Variants in DYSF observed in about 807,000 individuals in gnomAD.
DYSF encodes dysferlin, also known as dystrophy-associated fer-1-like 1.
Under a neutral mutation model 274.9 loss-of-function variants are expected in DYSF, and 212 were observed. That is an observed-to-expected ratio of 0.77 (90% confidence interval 0.69 to 0.86). DYSF has a LOEUF of 0.86. DYSF is among the 40% of genes least tolerant of loss of function. The pLI is 0.00. For synonymous variants in DYSF, 1,091 were observed against 1,078.7 expected (o/e 1.01, Z -0.22); for missense variants, 2,666 against 2,783.2 (o/e 0.96, Z 0.95).
chr2:71,570,464 C>G (rs932713938), intron 28 of DYSF, 130 bp downstream of exon 28: 8 of 1,418,368 alleles, frequency 5.6e-6, no homozygotes, highest in Admixed American at 3.9e-5. Flanking sequence ...AGGCACCCCC[C>G]ACTCCAAGCT....
At chr2:71,592,305 C>A (rs1422592505) in intron 32 of DYSF, among the ~76,000 whole-genome samples, 1 of 152,216 alleles carries the variant, frequency 6.6e-6, no homozygotes. Flanking sequence ...TCTGCGGAGA[C>A]GTCACACTTT....
In DYSF at chr2:71,611,552, A is replaced by G; in HGVS notation, c.4147A>G (p.Thr1383Ala). The G allele has an allele frequency of 6.2e-7, 1 of 1,614,000 alleles. No individual in the cohort carries two copies. Among genetic ancestry groups the G allele is most frequent in the Non-Finnish European group, 8.5e-7 (1 of 1,179,972 alleles). ...PSLVVECGGQ[T>A]VQSCVIRNLR... ...CCTCGTGGTAGAGTGTGGGGGCCAG[A>G]CGGTGCAGTCCTGTGTCATCAGGAA... Residue 1383 changes from threonine to alanine, a missense_variant, in exon 38 of 56, where the codon ACG becomes GCG. By Grantham distance (58) the Thr-to-Ala change is moderately conservative. Transcript: ENST00000410020.
chr2:71,676,459 T>A (rs1396422187), intron 52 of DYSF, among the ~76,000 whole-genome samples: 1 of 152,208 alleles, frequency 6.6e-6, no homozygotes, highest in Non-Finnish European at 1.5e-5. Flanking sequence ...CTTTTATTAT[T>A]GATTTTCAGA....
At chr2:71,685,806 T>A (rs1002419990) in intron 55 of DYSF, among the ~76,000 whole-genome samples, 2 of 152,098 alleles carry the variant, frequency 1.3e-5, no homozygotes, top group African/African-American at 4.8e-5. Flanking sequence ...CTGTCCCAAT[T>A]AGGAGCCCTG....
chr2:71,620,914 G>C (rs1035152113), intron 41 of DYSF, among the ~76,000 whole-genome samples: 2 of 152,148 alleles, frequency 1.3e-5, no homozygotes, highest in Non-Finnish European at 2.9e-5. Context: ...CTCTCAATTA[G>C]ACTCTGACTT....
chr2:71,479,897 T>C (rs759036327), intron 1 of DYSF, among the ~76,000 whole-genome samples: 5 of 152,204 alleles, frequency 3.3e-5, no homozygotes, highest in Admixed American at 1.3e-4. Flanking sequence ...TGGATTTTGT[T>C]TAAATGGAAA....
Position 71,656,236 on chromosome 2 carries a change from C to T in DYSF, c.4701C>T (p.Tyr1567=), listed in dbSNP as rs770905160. 3 of 1,614,208 alleles carry T rather than the reference C, an allele frequency of 1.9e-6. No homozygotes were observed. The East Asian group carries it at 6.7e-5, about 36-fold the overall frequency. The change falls in exon 43 of 56, where the codon TAC becomes TAT. Residue 1567 remains tyrosine (Y), a synonymous_variant. Coordinates refer to ENST00000410020, the MANE Select transcript of DYSF (RefSeq NM_001130987.2). ...LSDFCNTFKL[Y]RGKTQEETED... ...ACTTTTGTAACACCTTCAAGCTGTA[C>T]CGGGGCAAGACGCAGGAGGAGACAG... is the stretch of plus-strand genomic sequence containing the variant.
intron 41 of DYSF, among the ~76,000 whole-genome samples, chr2:71,642,438 C>G (rs1377051489): frequency 6.6e-6 from 1 of 152,196 alleles, no homozygotes; most frequent in African/African-American, 2.4e-5. Context: ...GTGTGTCACC[C>G]ATAGCATCTT....
intron 55 of DYSF, among the ~76,000 whole-genome samples, chr2:71,683,213 G>C (rs542229061): frequency 6.6e-6 from 1 of 152,182 alleles, no homozygotes; most frequent in Admixed American, 6.5e-5. Context: ...GGAAGCTGTC[G>C]GGGAGCGGGA....
chr2:71,507,379 A>G (rs868206344), intron 4 of DYSF, among the ~76,000 whole-genome samples: 2 of 152,212 alleles, frequency 1.3e-5, no homozygotes, highest in African/African-American at 4.8e-5. Context: ...TAACACTGCA[A>G]TCTGCAAAAT....
chr2:71,531,890 C>G (rs1284144639), intron 14 of DYSF, among the ~76,000 whole-genome samples: 4 of 152,120 alleles, frequency 2.6e-5, no homozygotes, highest in Non-Finnish European at 5.9e-5. Flanking sequence ...CAGAAGCACA[C>G]ATAAACCAAG....
intron 40 of DYSF, among the ~76,000 whole-genome samples, chr2:71,620,292 C>G (rs1406341813): frequency 1.3e-5 from 2 of 152,248 alleles, no homozygotes; most frequent in African/African-American, 4.8e-5. Context: ...CATTCATACT[C>G]ACTGTCGCCC....
intron 40 of DYSF, 91 bp downstream of exon 40, chr2:71,613,501 A>G (rs1230818376): frequency 8.9e-7 from 1 of 1,119,138 alleles, no homozygotes; most frequent in Non-Finnish European, 1.3e-6. Context: ...CTTCATTATC[A>G]CACAGCCTCT....
intron 1 of DYSF, among the ~76,000 whole-genome samples, chr2:71,457,283 C>CAAA (rs2081108054): frequency 6.6e-6 from 1 of 152,190 alleles, no homozygotes; most frequent in Non-Finnish European, 1.5e-5. Context: ...TATGTGGTAG[C>CAAA]AACTGTCATC....
chr2:71,617,736 G>T (rs2093925588), intron 40 of DYSF, among the ~76,000 whole-genome samples: 1 of 144,664 alleles, frequency 6.9e-6, no homozygotes, highest in South Asian at 2.3e-4. Flanking sequence ...GGTAGAGGTG[G>T]TGTGTGTGTA....
chr2:71,651,233 G>GA (rs1372837190), intron 42 of DYSF, among the ~76,000 whole-genome samples: 1 of 151,886 alleles, frequency 6.6e-6, no homozygotes, highest in African/African-American at 2.4e-5. Flanking sequence ...GAATTGAATT[G>GA]AAAAAAATCA....
upstream of DYSF, among the ~76,000 whole-genome samples, chr2:71,466,272 T>C (rs946387854): frequency 2.0e-5 from 3 of 152,204 alleles, no homozygotes; most frequent in Non-Finnish European, 4.4e-5. Flanking sequence ...TCACTCAGAC[T>C]TGGTTTCCCC....
chr2:71,493,081 G>T (rs896244940), intron 3 of DYSF, among the ~76,000 whole-genome samples: 2 of 152,016 alleles, frequency 1.3e-5, no homozygotes, highest in African/African-American at 2.4e-5. Flanking sequence ...TAGAGACAGG[G>T]TCTCACTATG....
chr2:71,629,757 T>C (rs747999943), intron 41 of DYSF, among the ~76,000 whole-genome samples: 1 of 152,214 alleles, frequency 6.6e-6, no homozygotes, highest in Non-Finnish European at 1.5e-5. Flanking sequence ...TTAAAATGGA[T>C]TTTAGAAATA....
Sources: allele counts gnomAD v4.1 joint callset (sites outside exome capture counted in the v4.1 genomes callset), GRCh38; gene constraint gnomAD v4.1.1; transcripts MANE v1.5; gene names NCBI Gene and HGNC (gene_info 2026-07-23, HGNC 2026-07-21).